Variants in GLIS3 observed in about 807,000 individuals in gnomAD.
The protein encoded by GLIS3 is zinc finger protein GLIS3.
In GLIS3, 53 loss-of-function variants were observed where a neutral mutation model predicts 78.6. That is an observed-to-expected ratio of 0.67 (90% CI 0.54 to 0.85). The LOEUF (loss-of-function observed/expected upper bound fraction) is 0.85. GLIS3 is among the 40% of genes least tolerant of loss of function. The pLI is 0.00. For missense variants in GLIS3, 1,703 were observed against 1,231.1 expected (o/e 1.38, Z -5.74); for synonymous variants, 684 against 509.9 (o/e 1.34, Z -4.60).
chr9:4,370,145 T>C, the GLIS3 span, among the ~76,000 whole-genome samples: 55,368 of 143,906 alleles, frequency 0.38, 11,063 homozygotes, highest in African/African-American at 0.5. Flanking sequence ...TCATCCAAGA[T>C]TGCACTCCAG....
chr9:4,026,445 A>G (rs1823355790), intron 4 of GLIS3, among the ~76,000 whole-genome samples: 1 of 152,232 alleles, frequency 6.6e-6, no homozygotes, highest in South Asian at 2.1e-4. Flanking sequence ...GCTCAACAAA[A>G]GCATAAAAAT....
In GLIS3 at chr9:3,945,124, C is replaced by G. The variant is rs114351584; in HGVS notation, c.1711-7935G>C. Among the ~76,000 whole-genome samples the G allele has an allele frequency of 5.5e-3, 842 of 152,158 alleles. 4 individuals are homozygous for G. Among genetic ancestry groups the G allele is most frequent in the African/African-American group, 0.019 (805 of 41,508 alleles). On this transcript the variant is annotated intron_variant, in intron 4 of 10. Transcript: ENST00000381971. Reference sequence around the variant, plus strand: ...CTCTCAGCACTGACACATGGGGGGACCAAACTTTCAACATATAAACTCCAA... The same window carrying G: ...CTCTCAGCACTGACACATGGGGGGAGCAAACTTTCAACATATAAACTCCAA...
intron 2 of GLIS3, among the ~76,000 whole-genome samples, chr9:4,185,431 T>C (rs192419870): frequency 6.6e-6 from 1 of 152,316 alleles, no homozygotes; most frequent in Non-Finnish European, 1.5e-5. Context: ...ATGCATGTCT[T>C]TGTGTTGACG....
intron 2 of GLIS3, among the ~76,000 whole-genome samples, chr9:4,332,792 A>G (rs1213964092): frequency 6.6e-6 from 1 of 152,218 alleles, no homozygotes; most frequent in Non-Finnish European, 1.5e-5. Flanking sequence ...GTTCCTCTAC[A>G]CATCTATTCA....
At chr9:3,973,945 T>A (rs1021552031) in intron 4 of GLIS3, among the ~76,000 whole-genome samples, 1 of 152,160 alleles carries the variant, frequency 6.6e-6, no homozygotes, top group Non-Finnish European at 1.5e-5. Flanking sequence ...GCCTCACAGA[T>A]CTATGTTAGA....
In GLIS3 at chr9:4,058,325, T is replaced by C. The variant is rs1021320828; in HGVS notation, c.1710+59443A>G. Among the ~76,000 whole-genome samples the C allele has an allele frequency of 3.3e-5, 5 of 152,084 alleles. No homozygotes were observed. The East Asian group carries it at 5.8e-4, about 18-fold the overall frequency. ...ACACAATAAGGCATAAAAAAAAGCA[T>C]GGCAGAGAGTAAGCAGATACTGCTC... is the stretch of plus-strand genomic sequence containing the variant. On this transcript the variant is annotated intron_variant, in intron 4 of 10. Transcript: ENST00000381971.
At chr9:3,990,585 C>A (rs185757989) in intron 4 of GLIS3, among the ~76,000 whole-genome samples, 1 of 152,116 alleles carries the variant, frequency 6.6e-6, no homozygotes, top group Non-Finnish European at 1.5e-5. Flanking sequence ...GTAGGGTGAA[C>A]AGAAATTTCC....
chr9:4,153,414 A>G (rs748164529), intron 2 of GLIS3, among the ~76,000 whole-genome samples: 44 of 152,170 alleles, frequency 2.9e-4, no homozygotes, highest in Non-Finnish European at 5.4e-4. Context: ...AAATACAAAA[A>G]TTAGCCAGGT....
chr9:4,026,634 C>A (rs1823371993), intron 4 of GLIS3, among the ~76,000 whole-genome samples: 1 of 152,116 alleles, frequency 6.6e-6, no homozygotes, highest in Non-Finnish European at 1.5e-5. Context: ...AAACACAGAT[C>A]ATTTTGTGAT....
chr9:4,058,859 G>A (rs1826374268), intron 4 of GLIS3, among the ~76,000 whole-genome samples: 1 of 152,020 alleles, frequency 6.6e-6, no homozygotes. Flanking sequence ...GCAGGTGCCT[G>A]TAATCCCAGC....
chr9:4,055,823 G>A (rs1463042660), intron 4 of GLIS3, among the ~76,000 whole-genome samples: 1 of 152,214 alleles, frequency 6.6e-6, no homozygotes, highest in Non-Finnish European at 1.5e-5. Context: ...CCTACCAATG[G>A]TCTGGCTTTC....
At chr9:3,867,333 C>T (rs1052296586) in intron 8 of GLIS3, among the ~76,000 whole-genome samples, 6 of 152,144 alleles carry the variant, frequency 3.9e-5, no homozygotes, top group Non-Finnish European at 7.3e-5. Context: ...CATCTATTTC[C>T]TTATAAGTGT....
intron 7 of GLIS3, among the ~76,000 whole-genome samples, chr9:3,884,368 G>T (rs963513838): frequency 9.9e-5 from 15 of 152,146 alleles, no homozygotes; most frequent in African/African-American, 3.4e-4. Flanking sequence ...TCACTTCAGA[G>T]GGAAAGGATG....
At chr9:3,889,500 A>C (rs1822285103) in intron 7 of GLIS3, among the ~76,000 whole-genome samples, 1 of 152,210 alleles carries the variant, frequency 6.6e-6, no homozygotes, top group African/African-American at 2.4e-5. Flanking sequence ...TAAATCTAAA[A>C]TATTATGGGG....
At chr9:3,917,681 C>T (rs1374075270) in intron 6 of GLIS3, among the ~76,000 whole-genome samples, 2 of 151,822 alleles carry the variant, frequency 1.3e-5, no homozygotes, top group African/African-American at 4.8e-5. Flanking sequence ...TCCTTTATTC[C>T]CCAGGGCCCC....
chr9:3,992,953 G>A (rs1483046164), intron 4 of GLIS3, among the ~76,000 whole-genome samples: 1 of 152,218 alleles, frequency 6.6e-6, no homozygotes, highest in Non-Finnish European at 1.5e-5. Context: ...CTTATAGGGT[G>A]TTTTTCTTGT....
At chr9:4,143,474 G>A (rs534782632) in intron 2 of GLIS3, among the ~76,000 whole-genome samples, 23 of 152,148 alleles carry the variant, frequency 1.5e-4, no homozygotes, top group African/African-American at 5.3e-4. Context: ...GGCTGAGGCA[G>A]GAGAATTGCT....
At chr9:4,333,558 G>C (rs889248892) in intron 2 of GLIS3, among the ~76,000 whole-genome samples, 3 of 152,126 alleles carry the variant, frequency 2.0e-5, no homozygotes, top group Non-Finnish European at 2.9e-5. Context: ...CTCTGGGCTA[G>C]TTTCCCAAAT....
chr9:4,204,199 AG>A (rs1352225968), intron 2 of GLIS3, among the ~76,000 whole-genome samples: 1 of 152,230 alleles, frequency 6.6e-6, no homozygotes, highest in Non-Finnish European at 1.5e-5. Context: ...TAAAGAAAAC[AG>A]GTGCACAATT....
Sources: gnomAD v4.1 joint callset for allele counts (sites outside exome capture counted in the v4.1 genomes callset) on GRCh38, gnomAD v4.1.1 for gene constraint, MANE v1.5 for transcripts, NCBI Gene and HGNC (gene_info 2026-07-23, HGNC 2026-07-21) for gene names.